The following INPP5A variants were observed in gnomAD, a reference collection of about 807,000 sequenced individuals.
INPP5A encodes the protein 43 kDa inositol polyphosphate 5-phophatase.
INPP5A carries 14 observed loss-of-function variants against 65.2 expected under a neutral mutation model. The ratio of observed to expected loss-of-function variants is 0.21; its 90% CI spans 0.14 to 0.34. The LOEUF (loss-of-function observed/expected upper bound fraction) is 0.34. INPP5A is among the 10% of genes least tolerant of loss of function. The pLI is 1.00. For missense variants in INPP5A, 431 were observed against 545.6 expected (o/e 0.79, Z 2.09); for synonymous variants, 207 against 208.3 (o/e 0.99, Z 0.05).
At chr10:132,691,044 C>T (rs988201597) in intron 5 of INPP5A, among the ~76,000 whole-genome samples, 7 of 152,210 alleles carry the variant, frequency 4.6e-5, no homozygotes, top group Admixed American at 6.5e-5. Flanking sequence ...TTCTCAGAAC[C>T]CCACGCGGCC....
At chr10:132,775,124 G>GGAGA (rs1262299543) in intron 12 of INPP5A, among the ~76,000 whole-genome samples, 11 of 26,766 alleles carry the variant, frequency 4.1e-4, no homozygotes, top group East Asian at 1.8e-3. Context: ...GGGGCAGGGA[G>GGAGA]GAGGGGCAGG....
chr10:132,718,111 G>A lies in INPP5A; in HGVS notation c.647+7655G>A, dbSNP rs569134066. ...CTTAGACGGCCGTCTTCAGGGTTCT[G>A]TGGTACCTGGGAGCTGTCTGGGCGC... On this transcript the variant is annotated intron_variant, in intron 8 of 15. Coordinates refer to ENST00000368594, the MANE Select transcript of INPP5A (RefSeq NM_005539.5). 8.0e-5 allele frequency among the ~76,000 whole-genome samples: 12 copies of A among 149,794 alleles called. No homozygotes were observed. The South Asian group carries it at 8.5e-4, about 11-fold the overall frequency.
chr10:132,581,033 C>T (rs1398428487), intron 1 of INPP5A, among the ~76,000 whole-genome samples: 1 of 152,214 alleles, frequency 6.6e-6, no homozygotes, highest in Non-Finnish European at 1.5e-5. Flanking sequence ...TCCCCCATAC[C>T]TTTCCCTGGC....
At chr10:132,572,959 TG>T (rs1289353241) in intron 1 of INPP5A, among the ~76,000 whole-genome samples, 15 of 151,906 alleles carry the variant, frequency 9.9e-5, no homozygotes, top group East Asian at 1.9e-4. Flanking sequence ...GTTGAGATGT[TG>T]GGGTGTACGT....
chr10:132,681,308 A>G (rs1002919653), intron 4 of INPP5A, among the ~76,000 whole-genome samples: 2 of 152,112 alleles, frequency 1.3e-5, no homozygotes, highest in Admixed American at 6.5e-5. Context: ...CACACTGTGG[A>G]AGCTTTGTTC....
intron 12 of INPP5A, among the ~76,000 whole-genome samples, chr10:132,776,941 G>A (rs1004170985): frequency 3.3e-5 from 5 of 152,272 alleles, no homozygotes; most frequent in South Asian, 2.1e-4. Flanking sequence ...GCAAGGCCGC[G>A]GAGGAGCCCA....
intron 9 of INPP5A, among the ~76,000 whole-genome samples, chr10:132,746,393 C>G (rs1051693060): frequency 2.0e-5 from 3 of 152,218 alleles, no homozygotes; most frequent in Non-Finnish European, 4.4e-5. Context: ...GGGACAGATT[C>G]AGCTCCCAAC....
chr10:132,771,716 A>G (rs367797305), intron 12 of INPP5A, among the ~76,000 whole-genome samples: 139 of 67,798 alleles, frequency 2.1e-3, no homozygotes, highest in Middle Eastern at 8.6e-3. Context: ...CACCCCATGA[A>G]GAGTGGGACA....
chr10:132,778,428 C>T (rs938777761), intron 13 of INPP5A, among the ~76,000 whole-genome samples: 1 of 150,452 alleles, frequency 6.6e-6, no homozygotes, highest in Non-Finnish European at 1.5e-5. Flanking sequence ...TCCCAAAGTA[C>T]CCAGACTACA....
chr10:132,555,165 G>C lies in INPP5A; in HGVS notation c.75+16994G>C, dbSNP rs2071110451. Among the ~76,000 whole-genome samples the C allele has an allele frequency of 6.6e-6, 1 of 151,882 alleles. No homozygotes were observed. The highest frequency in any genetic ancestry group is 1.5e-5 in the Non-Finnish European group (1 of 67,938). ...GTTAGTGGGTGGCATAGATGGCATG[G>C]TGGGGTGGGGGGGTGTGGATGGCAA... On this transcript the variant is annotated intron_variant, in intron 1 of 15. Transcript: ENST00000368594. The surrounding 1 kb of genome is among the most constrained non-coding windows in gnomAD (Gnocchi z 4.4).
chr10:132,582,204 T>A (rs2071492891), intron 1 of INPP5A, among the ~76,000 whole-genome samples: 2 of 152,176 alleles, frequency 1.3e-5, no homozygotes, highest in Admixed American at 6.5e-5. Context: ...TGGTTCTCGC[T>A]TTCTGAGGCA....
At chr10:132,590,945 G>C (rs1282467719) in intron 1 of INPP5A, among the ~76,000 whole-genome samples, 2 of 152,202 alleles carry the variant, frequency 1.3e-5, no homozygotes, top group Admixed American at 6.5e-5. Flanking sequence ...CATTACCAAG[G>C]TGAGCTTGGG....
At chr10:132,737,663 G>A (rs1280844740) in intron 9 of INPP5A, among the ~76,000 whole-genome samples, 1 of 152,226 alleles carries the variant, frequency 6.6e-6, no homozygotes, top group Non-Finnish European at 1.5e-5. Flanking sequence ...AGGTCAGGGC[G>A]GTGAGGGCCT....
rs1845365183 is a variant in INPP5A at position 132,697,589 on chromosome 10, T to C, written c.371-227T>C. Among the ~76,000 whole-genome samples, 1 of 151,916 alleles carries C rather than the reference T, an allele frequency of 6.6e-6. No individual in the cohort carries two copies. Among genetic ancestry groups the C allele is most frequent in the African/African-American group, 2.4e-5 (1 of 41,340 alleles). The stretch of plus-strand genomic sequence containing the variant: ...TGGGAGCTCTCAGGCGATAATGGAG[T>C]GGAGTGTCAGATTCCAGGTCATGGG... On this transcript the variant is annotated intron_variant, in intron 5 of 15. Transcript: ENST00000368594. The surrounding 1 kb of genome is among the most constrained non-coding windows in gnomAD (Gnocchi z 5.6).
In INPP5A at chr10:132,587,479, C is replaced by A. The variant is rs2071559309; in HGVS notation, c.76-20436C>A. Among the ~76,000 whole-genome samples, 1 of 152,182 alleles carries A rather than the reference C, an allele frequency of 6.6e-6. No individual in the cohort carries two copies. Among genetic ancestry groups the A allele is most frequent in the East Asian group, 1.9e-4 (1 of 5,188 alleles). On this transcript the variant is annotated intron_variant, in intron 1 of 15. Transcript: ENST00000368594. The surrounding 1 kb of genome is among the most constrained non-coding windows in gnomAD (Gnocchi z 4.3). ...AATCATGACGGGGAAAGGATGCGGC[C>A]ATACCAGACGGAACCTTTGTCCACA... is the stretch of plus-strand genomic sequence containing the variant.
chr10:132,572,136 T>G (rs1188194187), intron 1 of INPP5A, among the ~76,000 whole-genome samples: 3 of 152,154 alleles, frequency 2.0e-5, no homozygotes, highest in South Asian at 4.1e-4. Flanking sequence ...AGGTGACTCA[T>G]CCAAGAGCCT....
intron 4 of INPP5A, among the ~76,000 whole-genome samples, chr10:132,686,239 C>T (rs913963278): frequency 1.3e-5 from 2 of 152,232 alleles, no homozygotes; most frequent in Non-Finnish European, 2.9e-5. Context: ...CCGGCTGTGC[C>T]GTGGCCTCCG....
chr10:132,696,849 G>A (rs1173281427), intron 5 of INPP5A, among the ~76,000 whole-genome samples: 1 of 152,134 alleles, frequency 6.6e-6, no homozygotes, highest in Admixed American at 6.5e-5. Context: ...AGCACCCAGG[G>A]CTGGGCCAGA....
chr10:132,680,345 G>T (rs2073026036), intron 4 of INPP5A, among the ~76,000 whole-genome samples: 1 of 152,192 alleles, frequency 6.6e-6, no homozygotes, highest in African/African-American at 2.4e-5. Context: ...ATAAGTACAC[G>T]AAAAAGCGCC....
Sources: gnomAD v4.1 joint callset for allele counts (sites outside exome capture counted in the v4.1 genomes callset) on GRCh38, gnomAD v4.1.1 for gene constraint, Gnocchi (gnomAD v3.1) non-coding constraint, MANE v1.5 for transcripts, NCBI Gene and HGNC (gene_info 2026-07-23, HGNC 2026-07-21) for gene names.